The following NLGN4X variants were observed in gnomAD, a reference collection of about 807,000 sequenced individuals.
The protein encoded by NLGN4X is neuroligin-4, X-linked.
Under a neutral mutation model 40.3 loss-of-function variants are expected in NLGN4X, and 3 were observed. That is an observed-to-expected ratio of 0.07 (90% CI 0.03 to 0.19). NLGN4X has a LOEUF of 0.19. Ranked by LOEUF, NLGN4X falls within the 10% of genes least tolerant of loss-of-function variation. The pLI is 1.00. For synonymous variants in NLGN4X, 270 were observed against 306.8 expected (o/e 0.88, Z 1.25); for missense variants, 382 against 708.3 (o/e 0.54, Z 5.23).
chrX:6,155,952 G>A (rs1249190376), intron 1 of NLGN4X, among the ~76,000 whole-genome samples: 1 of 112,314 alleles, frequency 8.9e-6, no homozygotes, highest in African/African-American at 3.2e-5. Flanking sequence ...TGGTGAGAAC[G>A]TCAATTAGTT....
rs745736782 is a variant in NLGN4X at position 6,034,967 on chromosome X, A to C, written c.473-5535T>G. Reference sequence around the variant, plus strand: ...AGCGATCCACTCATCTTGGCCTCCTAAAGTGCTGGGATTACAAGCATGAGC... The same window carrying C: ...AGCGATCCACTCATCTTGGCCTCCTCAAGTGCTGGGATTACAAGCATGAGC... On this transcript the variant is annotated intron_variant, in intron 2 of 5. Transcript: ENST00000381095. 1.7e-3 allele frequency among the ~76,000 whole-genome samples: 193 copies of C among 111,669 alleles called. 3 individuals are homozygous for C. Among genetic ancestry groups the C allele is most frequent in the Non-Finnish European group, 3.1e-3 (163 of 53,146 alleles).
chrX:6,115,495 G>A (rs891716586), intron 2 of NLGN4X, among the ~76,000 whole-genome samples: 19 of 111,478 alleles, frequency 1.7e-4, no homozygotes, highest in Non-Finnish European at 2.3e-4. Flanking sequence ...TTGAAGGAGA[G>A]AGATGAATTA....
intron 3 of NLGN4X, among the ~76,000 whole-genome samples, chrX:6,025,765 G>A (rs746387887): frequency 2.2e-4 from 24 of 109,059 alleles, no homozygotes; most frequent in Admixed American, 1.9e-3. Flanking sequence ...TTAGCGGGGC[G>A]TGGTGGCAGG....
At chrX:6,165,722 G>A (rs1239036483) in intron 1 of NLGN4X, among the ~76,000 whole-genome samples, 1 of 111,308 alleles carries the variant, frequency 9.0e-6, no homozygotes, top group Non-Finnish European at 1.9e-5. Context: ...GAAAACAGAG[G>A]TATAATAAAT....
At chrX:6,089,710 A>G in intron 2 of NLGN4X, among the ~76,000 whole-genome samples, 1 of 112,155 alleles carries the variant, frequency 8.9e-6, no homozygotes, top group East Asian at 2.8e-4. Context: ...TATCATTCTC[A>G]TAGTCAGAGG....
chrX:6,155,268 C>T (rs1022502965), intron 1 of NLGN4X, among the ~76,000 whole-genome samples: 2 of 111,970 alleles, frequency 1.8e-5, no homozygotes, highest in Non-Finnish European at 1.9e-5. Flanking sequence ...GCACTTGAGA[C>T]ATCCGCTTCC....
intron 2 of NLGN4X, among the ~76,000 whole-genome samples, chrX:6,150,628 G>A (rs1327162331): frequency 8.9e-6 from 1 of 111,960 alleles, no homozygotes; most frequent in Non-Finnish European, 1.9e-5. Context: ...GCATAATAGT[G>A]TACTTAATTC....
intron 2 of NLGN4X, among the ~76,000 whole-genome samples, chrX:6,076,861 C>A (rs1184109132): frequency 8.9e-6 from 1 of 112,261 alleles, no homozygotes; most frequent in Non-Finnish European, 1.9e-5. Flanking sequence ...TTGGATAACT[C>A]TCTTTGCTTT....
chrX:6,221,651 G>C (rs945471050), intron 1 of NLGN4X, among the ~76,000 whole-genome samples: 3 of 109,325 alleles, frequency 2.7e-5, no homozygotes, highest in Non-Finnish European at 3.8e-5. Flanking sequence ...ATTTACTTTT[G>C]TGAGTTTCCC....
chrX:5,988,916 A>C, intron 3 of NLGN4X, among the ~76,000 whole-genome samples: 1 of 109,728 alleles, frequency 9.1e-6, no homozygotes, highest in South Asian at 4.0e-4. Context: ...AAAAATACAA[A>C]AATCAGCTGG....
At chrX:5,931,110 G>T (rs1166231734) in intron 3 of NLGN4X, among the ~76,000 whole-genome samples, 2 of 112,182 alleles carry the variant, frequency 1.8e-5, no homozygotes, top group African/African-American at 6.5e-5. Context: ...TCTATATAGT[G>T]ATGGGTTGGG....
chrX:5,975,387 G>A (rs899746477), intron 3 of NLGN4X, among the ~76,000 whole-genome samples: 5 of 110,549 alleles, frequency 4.5e-5, no homozygotes, highest in African/African-American at 1.6e-4. Flanking sequence ...GAGGTGGGTG[G>A]ATCACTTGAG....
intron 1 of NLGN4X, among the ~76,000 whole-genome samples, chrX:6,206,578 T>A (rs1924055311): frequency 8.9e-6 from 1 of 111,799 alleles, no homozygotes; most frequent in African/African-American, 3.2e-5. Context: ...ATCATGATGT[T>A]GGCCATGCTC....
At chrX:6,175,324 G>A (rs2040702595) in intron 1 of NLGN4X, among the ~76,000 whole-genome samples, 1 of 110,632 alleles carries the variant, frequency 9.0e-6, no homozygotes, top group Non-Finnish European at 1.9e-5. Context: ...CCTCAGCGTA[G>A]AGAAAATGTT....
chrX:5,955,815 T>A (rs866651818), intron 3 of NLGN4X, among the ~76,000 whole-genome samples: 28 of 90,114 alleles, frequency 3.1e-4, no homozygotes, highest in Admixed American at 3.8e-4. Context: ...ACAACCACAC[T>A]AAAAAAAAAA....
chrX:5,958,386 A>T (rs751902736), intron 3 of NLGN4X, among the ~76,000 whole-genome samples: 1 of 111,375 alleles, frequency 9.0e-6, no homozygotes, highest in East Asian at 2.8e-4. Flanking sequence ...AAAATCCAGA[A>T]TTTTTTTCTG....
At chrX:5,941,870 T>G (rs934124808) in intron 3 of NLGN4X, among the ~76,000 whole-genome samples, 2 of 112,060 alleles carry the variant, frequency 1.8e-5, no homozygotes, top group African/African-American at 6.5e-5. Flanking sequence ...GTGGGTTGAT[T>G]TCAAGGAGCA....
chrX:6,021,255 C>T (rs1015937571), intron 3 of NLGN4X, among the ~76,000 whole-genome samples: 18 of 108,227 alleles, frequency 1.7e-4, no homozygotes, highest in Middle Eastern at 9.4e-3. Flanking sequence ...CCCTGATTTT[C>T]CTTGCCCAAT....
At chrX:6,029,524 C>T in intron 2 of NLGN4X, 92 bp from the exon 3 acceptor site, 1 of 919,440 alleles carries the variant, frequency 1.1e-6, no homozygotes, top group Admixed American at 2.6e-5. Flanking sequence ...ACTGATTTCC[C>T]TATTTTGACT....
Sources: gnomAD v4.1 joint callset for allele counts (sites outside exome capture counted in the v4.1 genomes callset) on GRCh38, gnomAD v4.1.1 for gene constraint, MANE v1.5 for transcripts, NCBI Gene and HGNC (gene_info 2026-07-23, HGNC 2026-07-21) for gene names.